The following RALGAPA1 variants were observed in gnomAD, a reference collection of about 807,000 sequenced individuals.
RALGAPA1 encodes the protein ral GTPase-activating protein subunit alpha-1.
RALGAPA1 carries 52 observed loss-of-function variants against 269.6 expected under a neutral mutation model. The observed-to-expected ratio is 0.19, with a 90% CI of 0.15 to 0.24. The LOEUF (loss-of-function observed/expected upper bound fraction) is 0.24. Ranked by LOEUF, RALGAPA1 falls within the 10% of genes least tolerant of loss-of-function variation. The pLI, the probability that RALGAPA1 is intolerant of heterozygous loss-of-function variation, is 1.00. For missense variants in RALGAPA1, 1,917 were observed against 3,013.9 expected, an observed-to-expected ratio of 0.64 and a Z score of 8.52; for synonymous variants, 817 against 1,008.3, an observed-to-expected ratio of 0.81 and a Z score of 3.60.
At chr14:35,582,307 A>C (rs1289974481) in intron 37 of RALGAPA1, among the ~76,000 whole-genome samples, 1 of 152,202 alleles carries the variant, frequency 6.6e-6, no homozygotes, top group African/African-American at 2.4e-5. Context: ...AACAAAAAAC[A>C]ACAAAACAAG....
At chr14:35,762,475 C>G (rs2073804881) in intron 5 of RALGAPA1, among the ~76,000 whole-genome samples, 1 of 152,138 alleles carries the variant, frequency 6.6e-6, no homozygotes, top group South Asian at 2.1e-4. Flanking sequence ...AGGCTGGTCT[C>G]AAACTCCTGG....
Position 35,683,963 on chromosome 14 carries a change from A to C in RALGAPA1, c.4317T>G (p.Thr1439=), listed in dbSNP as rs747399505. The C allele has an allele frequency of 6.2e-7, 1 of 1,610,906 alleles. No homozygotes were observed. Among genetic ancestry groups the C allele is most frequent in the Non-Finnish European group, 8.5e-7 (1 of 1,178,864 alleles). Residue 1439 remains threonine, a synonymous_variant, in exon 21 of 42, where the codon ACT becomes ACG. Coordinates refer to ENST00000680220, the MANE Select transcript of RALGAPA1 (RefSeq NM_001346249.2). ...KFDNFGFGTD[T]GVTSSADVDS... ...CCACATCAGCAGAGGACGTAACCCC[A>C]GTGTCGGTTCCAAAGCCAAAATCTA...
intron 39 of RALGAPA1, among the ~76,000 whole-genome samples, chr14:35,562,230 C>A (rs1406826996): frequency 6.6e-6 from 1 of 152,132 alleles, no homozygotes; most frequent in Non-Finnish European, 1.5e-5. Flanking sequence ...AAATTGGAAA[C>A]CTCATCAGCG....
chr14:35,781,667 G>T (rs948554415), intron 1 of RALGAPA1, among the ~76,000 whole-genome samples: 3 of 151,920 alleles, frequency 2.0e-5, no homozygotes, highest in African/African-American at 7.3e-5. Context: ...AGAAGGCAAG[G>T]TTGGTTCAAC....
At chr14:35,779,930 T>C (rs1458928055) in intron 1 of RALGAPA1, among the ~76,000 whole-genome samples, 1 of 152,126 alleles carries the variant, frequency 6.6e-6, no homozygotes, top group African/African-American at 2.4e-5. Flanking sequence ...GAGACCATCC[T>C]GGCCAACATG....
intron 35 of RALGAPA1, among the ~76,000 whole-genome samples, chr14:35,615,707 T>C (rs981598392): frequency 1.2e-4 from 19 of 152,274 alleles, no homozygotes; most frequent in African/African-American, 2.9e-4. Context: ...TGTATGAGAA[T>C]TGAGGTATGT....
At chr14:35,744,578 G>A (rs1334199065) in intron 10 of RALGAPA1, among the ~76,000 whole-genome samples, 1 of 152,100 alleles carries the variant, frequency 6.6e-6, no homozygotes. Flanking sequence ...CAGCTCCCAA[G>A]ATGATGATGG....
chr14:35,670,705 A>C (rs2064334877), intron 26 of RALGAPA1, among the ~76,000 whole-genome samples: 1 of 152,190 alleles, frequency 6.6e-6, no homozygotes, highest in South Asian at 2.1e-4. Context: ...CGGGCAGATC[A>C]CAAGGTCAGG....
At chr14:35,605,776 AGTTCTAT>A (rs2059561624) in intron 35 of RALGAPA1, 67 bp from the exon 36 acceptor site, 2 of 1,547,418 alleles carry the variant, frequency 1.3e-6, no homozygotes, top group Non-Finnish European at 1.8e-6. Context: ...CCAACAATTA[AGTTCTAT>A]GTACAAAGTA....
chr14:35,748,171 T>C (rs904113175), intron 10 of RALGAPA1, among the ~76,000 whole-genome samples: 1 of 151,930 alleles, frequency 6.6e-6, no homozygotes, highest in Non-Finnish European at 1.5e-5. Flanking sequence ...ACGCTAAAAG[T>C]ATCACAAACT....
intron 37 of RALGAPA1, among the ~76,000 whole-genome samples, chr14:35,583,288 G>C (rs1182663550): frequency 1.3e-5 from 2 of 152,018 alleles, no homozygotes; most frequent in African/African-American, 2.4e-5. Context: ...AAAAATGCTA[G>C]AGTTAAAAAA....
intron 4 of RALGAPA1, among the ~76,000 whole-genome samples, chr14:35,769,275 T>A (rs1835624366): frequency 1.3e-5 from 2 of 151,458 alleles, no homozygotes; most frequent in Non-Finnish European, 1.5e-5. Context: ...AAGAATGAAA[T>A]CATGTCCGGT....
chr14:35,766,717 A>G, intron 4 of RALGAPA1: 1 of 560,682 alleles, frequency 1.8e-6, no homozygotes, highest in Non-Finnish European at 3.5e-6. Flanking sequence ...TATTTCATCA[A>G]AGCACAGAAA....
At chr14:35,631,813 C>A (rs755728453) in intron 33 of RALGAPA1, among the ~76,000 whole-genome samples, 1 of 152,116 alleles carries the variant, frequency 6.6e-6, no homozygotes, top group African/African-American at 2.4e-5. Context: ...AAAAATCATT[C>A]AATTTAAAGA....
At chr14:35,714,242 T>A (rs1004212314) in intron 16 of RALGAPA1, among the ~76,000 whole-genome samples, 1 of 152,130 alleles carries the variant, frequency 6.6e-6, no homozygotes, top group Non-Finnish European at 1.5e-5. Context: ...CATTTTACAC[T>A]CCCACTAGCA....
At chr14:35,740,737 G>T (rs985821772) in intron 11 of RALGAPA1, among the ~76,000 whole-genome samples, 11 of 152,168 alleles carry the variant, frequency 7.2e-5, no homozygotes, top group Non-Finnish European at 1.5e-4. Context: ...GAACCCGGGA[G>T]GTGGAGGTTA....
intron 36 of RALGAPA1, among the ~76,000 whole-genome samples, chr14:35,598,341 A>G (rs2059050412): frequency 6.6e-6 from 1 of 151,426 alleles, no homozygotes; most frequent in Non-Finnish European, 1.5e-5. Flanking sequence ...CTTTTCTTTG[A>G]TTGATGTTTG....
intron 1 of RALGAPA1, among the ~76,000 whole-genome samples, chr14:35,806,951 C>A (rs1433986184): frequency 1.3e-5 from 2 of 152,078 alleles, no homozygotes; most frequent in Non-Finnish European, 2.9e-5. Context: ...GTTTTGTTTT[C>A]AAACCAAGCA....
intron 36 of RALGAPA1, among the ~76,000 whole-genome samples, chr14:35,600,616 A>C (rs1178482188): frequency 1.3e-5 from 2 of 151,670 alleles, no homozygotes. Flanking sequence ...TTCCCACTCC[A>C]CTTGGTTGTT....
Sources: gnomAD v4.1 joint callset for allele counts (sites outside exome capture counted in the v4.1 genomes callset) on GRCh38, gnomAD v4.1.1 for gene constraint, MANE v1.5 for transcripts, NCBI Gene and HGNC (gene_info 2026-07-23, HGNC 2026-07-21) for gene names.